CCDC30: variants seen among roughly 807,000 people sequenced by gnomAD.
CCDC30 encodes coiled-coil domain containing 30, also known as coiled-coil domain-containing protein 30.
Under a neutral mutation model 100.2 loss-of-function variants are expected in CCDC30, and 70 were observed. The ratio of observed to expected loss-of-function variants is 0.70; its 90% CI spans 0.58 to 0.85. CCDC30 has a LOEUF of 0.85. CCDC30 is among the 40% of genes least tolerant of loss of function. CCDC30 has a pLI of 0.00. For missense variants in CCDC30, 652 were observed against 771.2 expected, an observed-to-expected ratio of 0.85 and a Z score of 1.83; for synonymous variants, 233 against 269.5, an observed-to-expected ratio of 0.86 and a Z score of 1.33.
chr1:42,543,043 T>C (rs189386170), intron 6 of CCDC30, among the ~76,000 whole-genome samples: 4 of 152,292 alleles, frequency 2.6e-5, no homozygotes, highest in African/African-American at 7.2e-5. Flanking sequence ...AATAAAATTG[T>C]CTTTTACGTT....
At chr1:42,579,951 C>A (rs2762687) in intron 8 of CCDC30, among the ~76,000 whole-genome samples, 92,822 of 150,746 alleles carry the variant, frequency 0.62, 29,289 homozygotes, top group East Asian at 0.81. Context: ...AAAAAAAAAA[C>A]CTCTCATATA....
At chr1:42,497,869 T>C (rs1344743138) in intron 5 of CCDC30, among the ~76,000 whole-genome samples, 1 of 152,168 alleles carries the variant, frequency 6.6e-6, no homozygotes, top group African/African-American at 2.4e-5. Flanking sequence ...GGAAAACAGT[T>C]ACTCTAAAAG....
exon 13 of CCDC30, chr1:42,642,491 C>A (rs1381009571): frequency 1.3e-6 from 2 of 1,591,084 alleles, no homozygotes; most frequent in Non-Finnish European, 8.6e-7. Flanking sequence ...AATACAGGAC[C>A]AGATCACTGC....
chr1:42,479,116 CT>C (rs1202066173), intron 1 of CCDC30, among the ~76,000 whole-genome samples: 2 of 152,232 alleles, frequency 1.3e-5, no homozygotes, highest in Non-Finnish European at 2.9e-5. Context: ...TGTTTCGCAC[CT>C]GTAATCTCAG....
At chr1:42,556,499 G>GTT in intron 6 of CCDC30, 94 bp downstream of exon 10, 3 of 1,353,136 alleles carry the variant, frequency 2.2e-6, no homozygotes, top group Non-Finnish European at 2.0e-6. Context: ...TCATATATAT[G>GTT]TTTTTTTTTA....
At position 42,546,396 on chromosome 1, in the gene CCDC30, AAAAATATATATATATAT is replaced by A. The variant is rs1437804474; in HGVS notation, c.457-19898_457-19882del. 9.5e-4 allele frequency among the ~76,000 whole-genome samples: 15 copies of A among 15,854 alleles called. 2 individuals carry two copies. The highest frequency in any genetic ancestry group is 1.1e-3 in the Non-Finnish European group (8 of 7,200). 10.4% of individuals were successfully genotyped at this position (15,854 alleles called of 152,430 possible). A position where few individuals can be genotyped will look rare whatever the true frequency, so the allele number is the denominator to read the frequency against. Reference sequence around the variant, plus strand: ...GTGAAATTCTGTCTCAAAAAAAAAAAAAAATATATATATATATATATATATATATATATATATATATA... The same window carrying A: ...GTGAAATTCTGTCTCAAAAAAAAAAAATATATATATATATATATATATATA... On this transcript the variant is annotated intron_variant, in intron 6 of 16. Coordinates refer to ENST00000668663, the Ensembl canonical transcript of CCDC30.
the CCDC30 span, chr1:42,456,387 G>A: frequency 1.4e-6 from 1 of 729,674 alleles, no homozygotes; most frequent in Non-Finnish European, 2.2e-6. Flanking sequence ...TGTCACTTTC[G>A]CTGGGCTCTG....
intron 11 of CCDC30, among the ~76,000 whole-genome samples, chr1:42,616,102 G>C (rs2148650654): frequency 6.6e-6 from 1 of 152,170 alleles, no homozygotes; most frequent in African/African-American, 2.4e-5. Context: ...TTTTAGTAGA[G>C]ACAGGGTTTC....
At chr1:42,558,587 C>T (rs990034820) in intron 6 of CCDC30, among the ~76,000 whole-genome samples, 1 of 152,098 alleles carries the variant, frequency 6.6e-6, no homozygotes, top group Non-Finnish European at 1.5e-5. Flanking sequence ...GTAATCTTTC[C>T]AGGATCACCC....
chr1:42,533,557 A>G (rs1412570057), intron 6 of CCDC30, among the ~76,000 whole-genome samples: 1 of 152,210 alleles, frequency 6.6e-6, no homozygotes, highest in African/African-American at 2.4e-5. Flanking sequence ...TCTACACCAT[A>G]ACAACTCTTG....
intron 6 of CCDC30, chr1:42,521,172 GGTTT>G (rs1557822933): frequency 2.7e-5 from 4 of 150,576 alleles, no homozygotes. Flanking sequence ...GTAGAGACGG[GGTTT>G]CACCATGTTA....
At chr1:42,605,639 T>G (rs1646487296) in intron 10 of CCDC30, among the ~76,000 whole-genome samples, 1 of 152,194 alleles carries the variant, frequency 6.6e-6, no homozygotes, top group Middle Eastern at 3.4e-3. Context: ...CAACCATGCC[T>G]GGCTATTTTA....
intron 10 of CCDC30, among the ~76,000 whole-genome samples, chr1:42,600,839 C>A (rs939465435): frequency 6.6e-6 from 1 of 151,786 alleles, no homozygotes; most frequent in African/African-American, 2.4e-5. Flanking sequence ...CACTCTTGCT[C>A]TCTCCCTCCC....
intron 6 of CCDC30, among the ~76,000 whole-genome samples, chr1:42,526,730 TG>T (rs1272083312): frequency 2.6e-5 from 4 of 152,206 alleles, no homozygotes; most frequent in Non-Finnish European, 5.9e-5. Flanking sequence ...ACAGTTTTCC[TG>T]GGGTGCTTTA....
At chr1:42,549,976 T>A (rs1160827221) in intron 6 of CCDC30, among the ~76,000 whole-genome samples, 5 of 152,238 alleles carry the variant, frequency 3.3e-5, no homozygotes, top group Non-Finnish European at 1.5e-5. Flanking sequence ...CAAGTCCATT[T>A]TAATTTCAAG....
At chr1:42,637,835 T>A (rs987992909) in intron 12 of CCDC30, among the ~76,000 whole-genome samples, 2 of 152,178 alleles carry the variant, frequency 1.3e-5, no homozygotes, top group African/African-American at 2.4e-5. Context: ...TGTGACTTAG[T>A]GGTGGATGAA....
intron 6 of CCDC30, 81 bp downstream of exon 8, chr1:42,539,391 G>T (rs1175257201): frequency 3.9e-6 from 5 of 1,281,026 alleles, no homozygotes; most frequent in Non-Finnish European, 5.3e-6. Flanking sequence ...TTAATTTTAA[G>T]CAACAGATGA....
rs111360398 is a variant in CCDC30, at chr1:42,534,197, C to A, written c.457-32099C>A. On this transcript the variant is annotated intron_variant, in intron 6 of 16. Coordinates refer to ENST00000668663, the Ensembl canonical transcript of CCDC30. ...AGCATTGAAATACATGACATTCTTA[C>A]TCTAGGAAAAGACAAAGAAAATGAG... Among the ~76,000 whole-genome samples the A allele has an allele frequency of 2.3e-3, 343 of 151,530 alleles. 3 individuals are homozygous for A. Among genetic ancestry groups the A allele is most frequent in the African/African-American group, 8.1e-3 (332 of 41,114 alleles).
chr1:42,608,544 CA>C (rs375199578), intron 10 of CCDC30, among the ~76,000 whole-genome samples: 2 of 149,790 alleles, frequency 1.3e-5, no homozygotes, highest in African/African-American at 2.5e-5. Flanking sequence ...AGTAAAAATA[CA>C]AAAAAAAATT....
Sources: gnomAD v4.1 joint callset for allele counts (sites outside exome capture counted in the v4.1 genomes callset) on GRCh38, gnomAD v4.1.1 for gene constraint, MANE v1.5 for transcripts, NCBI Gene and HGNC (gene_info 2026-07-23, HGNC 2026-07-21) for gene names.